The following SYN3 variants were observed in gnomAD, a reference collection of about 807,000 sequenced individuals.
SYN3 encodes the protein synapsin-3.
In SYN3, 35 loss-of-function variants were observed where a neutral mutation model predicts 65.8. The observed-to-expected ratio is 0.53, with a 90% CI of 0.41 to 0.70. The LOEUF (loss-of-function observed/expected upper bound fraction) is 0.70. SYN3 is among the 30% of genes least tolerant of loss of function. The pLI is 0.00. For synonymous variants in SYN3, 270 were observed against 292.9 expected (o/e 0.92, Z 0.80); for missense variants, 680 against 749.0 (o/e 0.91, Z 1.08).
At chr22:33,000,905 G>C (rs2053041823) in intron 2 of SYN3, among the ~76,000 whole-genome samples, 1 of 152,168 alleles carries the variant, frequency 6.6e-6, no homozygotes, top group Non-Finnish European at 1.5e-5. Flanking sequence ...GGTGGCAGGG[G>C]ACAGGCATTT....
chr22:32,771,107 G>C (rs1456157679), intron 6 of SYN3, among the ~76,000 whole-genome samples: 1 of 151,844 alleles, frequency 6.6e-6, no homozygotes, highest in Non-Finnish European at 1.5e-5. Context: ...CCCTCCCTGT[G>C]TCCATGTGTT....
chr22:32,927,822 G>A (rs924671659), intron 4 of SYN3, among the ~76,000 whole-genome samples: 1 of 152,056 alleles, frequency 6.6e-6, no homozygotes, highest in Non-Finnish European at 1.5e-5. Context: ...GTCTGTAAAT[G>A]TTTTTATTTT....
intron 8 of SYN3, among the ~76,000 whole-genome samples, 178 bp from the exon 9 acceptor site, chr22:32,538,288 T>G (rs2239766): frequency 0.65 from 99,262 of 152,104 alleles, 32,549 homozygotes; most frequent in East Asian, 0.9. Context: ...TTTCCCTTCA[T>G]GCTGTTTGCC....
At chr22:32,975,406 C>T (rs114365183) in intron 3 of SYN3, among the ~76,000 whole-genome samples, 2,128 of 151,464 alleles carry the variant, frequency 0.014, 52 homozygotes, top group African/African-American at 0.049. Context: ...CTTAATCCTG[C>T]TCCTTCACAG....
intron 6 of SYN3, among the ~76,000 whole-genome samples, chr22:32,623,107 C>A (rs944107367): frequency 2.0e-5 from 3 of 151,638 alleles, no homozygotes; most frequent in Non-Finnish European, 4.4e-5. Context: ...ATGGAAGGAG[C>A]ATGAAAGTGA....
At chr22:32,723,326 A>G (rs1460560188) in intron 6 of SYN3, among the ~76,000 whole-genome samples, 1 of 152,188 alleles carries the variant, frequency 6.6e-6, no homozygotes, top group Non-Finnish European at 1.5e-5. Flanking sequence ...TTCACTTCAG[A>G]GGATCAACAT....
chr22:32,601,957 T>TG (rs1216476343), intron 6 of SYN3, among the ~76,000 whole-genome samples: 1 of 151,344 alleles, frequency 6.6e-6, no homozygotes, highest in African/African-American at 2.4e-5. Context: ...TTTTTTTTTT[T>TG]GTGACACTTC....
intron 1 of SYN3, among the ~76,000 whole-genome samples, chr22:33,015,739 A>T (rs1188556461): frequency 6.6e-6 from 1 of 152,156 alleles, no homozygotes; most frequent in Non-Finnish European, 1.5e-5. Context: ...TAATACACTT[A>T]ATCTTGTAAC....
In SYN3 at chr22:32,677,294, T is replaced by C. The variant is rs1488566983; in HGVS notation, c.712-80558A>G. On this transcript the variant is annotated intron_variant, in intron 6 of 13. Coordinates refer to ENST00000358763, the MANE Select transcript of SYN3 (RefSeq NM_003490.4). ...GATCCTCTATCCAGCTTTCGAGGAG[T>C]GTGCCAGGGGAAGAAGACCCTTCCA... Among the ~76,000 whole-genome samples the C allele has an allele frequency of 7.3e-5, 10 of 136,774 alleles. No homozygotes were observed. In the East Asian group the frequency reaches 3.0e-3, roughly 41 times the overall value. The allele number at this position is 136,774 out of a possible 152,430, so 89.7% of individuals were successfully genotyped here. A position where few individuals can be genotyped will look rare whatever the true frequency, so the allele number is the denominator to read the frequency against.
intron 6 of SYN3, among the ~76,000 whole-genome samples, chr22:32,627,049 C>T (rs1391161393): frequency 6.6e-6 from 1 of 152,124 alleles, no homozygotes; most frequent in Non-Finnish European, 1.5e-5. Flanking sequence ...CCATGGAGGG[C>T]CTGCCACTGG....
chr22:33,008,122 A>C (rs985918371), intron 1 of SYN3, among the ~76,000 whole-genome samples: 6 of 152,146 alleles, frequency 3.9e-5, no homozygotes, highest in Non-Finnish European at 8.8e-5. Context: ...TTTTTAGTAG[A>C]GATGAGGTTT....
rs563952848 is a variant in SYN3 at position 32,793,736 on chromosome 22, GA to G, written c.711+71178del. The stretch of plus-strand genomic sequence containing the variant: ...GAGGCAAATGGAGAATGTCAGTGGA[GA>G]ATTCATGATTAAGCACACACCCAGA... On this transcript the variant is annotated intron_variant, in intron 6 of 13. Coordinates refer to ENST00000358763, the MANE Select transcript of SYN3 (RefSeq NM_003490.4). Among the ~76,000 whole-genome samples the G allele has an allele frequency of 3.0e-4, 45 of 152,342 alleles. No homozygotes were observed. In the South Asian group the frequency reaches 8.9e-3, roughly 30 times the overall value.
At chr22:32,549,081 C>T (rs928505196) in intron 7 of SYN3, among the ~76,000 whole-genome samples, 1 of 152,028 alleles carries the variant, frequency 6.6e-6, no homozygotes. Flanking sequence ...GGACTGCCAC[C>T]GGGATGGTGC....
intron 3 of SYN3, among the ~76,000 whole-genome samples, chr22:32,942,853 A>T (rs2050982798): frequency 6.6e-6 from 1 of 152,244 alleles, no homozygotes; most frequent in Admixed American, 6.5e-5. Context: ...CATTGATTAA[A>T]GATCAAATGA....
At chr22:32,897,816 T>A (rs759420025) in intron 4 of SYN3, among the ~76,000 whole-genome samples, 11 of 152,264 alleles carry the variant, frequency 7.2e-5, no homozygotes, top group Admixed American at 1.3e-4. Context: ...GCAAGTCTTT[T>A]TATATATATT....
At chr22:32,572,869 G>A (rs529869236) in intron 7 of SYN3, among the ~76,000 whole-genome samples, 1 of 152,288 alleles carries the variant, frequency 6.6e-6, no homozygotes, top group South Asian at 2.1e-4. Context: ...AAAGTTATCA[G>A]GGCCTTGCGT....
intron 1 of SYN3, among the ~76,000 whole-genome samples, chr22:33,009,330 T>G (rs796095778): frequency 2.0e-5 from 3 of 152,310 alleles, no homozygotes; most frequent in African/African-American, 7.2e-5. Context: ...TAGCATAGTA[T>G]CTTATTGTGT....
At chr22:32,614,386 G>A (rs2059486671) in intron 6 of SYN3, among the ~76,000 whole-genome samples, 1 of 152,232 alleles carries the variant, frequency 6.6e-6, no homozygotes, top group African/African-American at 2.4e-5. Context: ...GGTCACTCCA[G>A]CTCCTTCCTG....
rs150753911 is a variant in SYN3, at chr22:32,716,214, G to A, written c.712-119478C>T. ...TCTCCAAAGAGTAAAGTTCCCACTT[G>A]AGTACCTCATCCCTTCCTGTCTGTC... On this transcript the variant is annotated intron_variant, in intron 6 of 13. Transcript: ENST00000358763. Among the ~76,000 whole-genome samples the A allele has an allele frequency of 8.7e-4, 133 of 152,230 alleles. 1 individual carries two copies. The highest frequency in any genetic ancestry group is 3.1e-3 in the African/African-American group (130 of 41,546).
Sources: gnomAD v4.1 joint callset for allele counts (sites outside exome capture counted in the v4.1 genomes callset) on GRCh38, gnomAD v4.1.1 for gene constraint, MANE v1.5 for transcripts, NCBI Gene and HGNC (gene_info 2026-07-23, HGNC 2026-07-21) for gene names.